Variants in ZNF573 observed in about 807,000 individuals in gnomAD.
The protein encoded by ZNF573 is zinc finger protein 573.
ZNF573 carries 41 observed loss-of-function variants against 57.4 expected under a neutral mutation model. That is an observed-to-expected ratio of 0.71 (90% CI 0.56 to 0.93). The LOEUF (loss-of-function observed/expected upper bound fraction) is 0.93. Ranked by LOEUF, ZNF573 falls within the 40% of genes least tolerant of loss-of-function variation. ZNF573 has a pLI of 0.00. For synonymous variants in ZNF573, 249 were observed against 261.0 expected, an observed-to-expected ratio of 0.95 and a Z score of 0.44; for missense variants, 730 against 794.8, an observed-to-expected ratio of 0.92 and a Z score of 0.98.
At chr19:37,757,345 C>T (rs1384447828) in intron 4 of ZNF573, among the ~76,000 whole-genome samples, 2 of 152,006 alleles carry the variant, frequency 1.3e-5, no homozygotes, top group African/African-American at 2.4e-5. Flanking sequence ...TACAGGCGCC[C>T]GCCACCGCGC....
rs185443217 is a variant in ZNF573 at position 37,744,882 on chromosome 19, T to C, written c.296-4688A>G. On this transcript the variant is annotated intron_variant, in intron 4 of 4. Coordinates refer to ENST00000536220, the MANE Select transcript of ZNF573 (RefSeq NM_001172690.2). Reference sequence around the variant, plus strand: ...CTCCAAGCTCTGCCTCCCAGGTTCATGCCATTCTCCTGCCTCAGCCTCCCG... The same window carrying C: ...CTCCAAGCTCTGCCTCCCAGGTTCACGCCATTCTCCTGCCTCAGCCTCCCG... 3.1e-4 allele frequency among the ~76,000 whole-genome samples: 46 copies of C among 150,602 alleles called. No individual in the cohort carries two copies. The East Asian group carries it at 7.7e-3, about 25-fold the overall frequency.
chr19:37,764,310 T>G (rs2045580421), intron 4 of ZNF573, among the ~76,000 whole-genome samples: 1 of 150,346 alleles, frequency 6.7e-6, no homozygotes, highest in Non-Finnish European at 1.5e-5. Context: ...AGTTTTTTTT[T>G]GTTTTTTTTT....
At chr19:37,755,672 A>C (rs2045480812) in intron 4 of ZNF573, among the ~76,000 whole-genome samples, 1 of 152,180 alleles carries the variant, frequency 6.6e-6, no homozygotes, top group South Asian at 2.1e-4. Flanking sequence ...TAAATACTGA[A>C]GAGATCAAAA....
chr19:37,763,354 G>A (rs150152008), intron 4 of ZNF573, among the ~76,000 whole-genome samples: 160 of 151,868 alleles, frequency 1.1e-3, no homozygotes, highest in African/African-American at 3.5e-3. Context: ...AGGCCGTGGT[G>A]GGCAGATCAC....
At chr19:37,752,507 G>C (rs2045447995) in intron 4 of ZNF573, among the ~76,000 whole-genome samples, 1 of 152,156 alleles carries the variant, frequency 6.6e-6, no homozygotes, top group African/African-American at 2.4e-5. Flanking sequence ...ATTCGCAAAA[G>C]GCCACATGTT....
intron 2 of ZNF573, chr19:37,773,017 T>G (rs1398449066): frequency 1.0e-6 from 1 of 967,904 alleles, no homozygotes; most frequent in Non-Finnish European, 1.2e-6. Flanking sequence ...TAGGATAATA[T>G]TCTCATTCAT....
At chr19:37,773,004 C>A (rs1345689174) in intron 2 of ZNF573, 1 of 977,574 alleles carries the variant, frequency 1.0e-6, no homozygotes, top group African/African-American at 1.8e-5. Context: ...CATATTTACT[C>A]CTTAGGATAA....
intron 4 of ZNF573, among the ~76,000 whole-genome samples, chr19:37,757,098 C>A (rs2045495166): frequency 6.6e-6 from 1 of 151,808 alleles, no homozygotes; most frequent in Admixed American, 6.6e-5. Flanking sequence ...AAAGTGAAAC[C>A]AACACAATCC....
intron 4 of ZNF573, 166 bp from the exon 5 acceptor site, chr19:37,740,360 G>A: frequency 3.2e-6 from 2 of 631,582 alleles, no homozygotes; most frequent in South Asian, 4.2e-5. Context: ...AGAGACGTAT[G>A]AGAGTTTACG....
intron 4 of ZNF573, among the ~76,000 whole-genome samples, chr19:37,748,741 A>G (rs2045405238): frequency 6.6e-6 from 1 of 152,124 alleles, no homozygotes; most frequent in African/African-American, 2.4e-5. Flanking sequence ...AGCCTGGCCA[A>G]TATGGTGAAA....
At chr19:37,764,311 G>GTTTT (rs545189639) in intron 4 of ZNF573, among the ~76,000 whole-genome samples, 1 of 136,338 alleles carries the variant, frequency 7.3e-6, no homozygotes, top group Non-Finnish European at 1.6e-5. Context: ...GTTTTTTTTT[G>GTTTT]TTTTTTTTTT....
At chr19:37,754,713 C>A (rs2045470989) in intron 4 of ZNF573, among the ~76,000 whole-genome samples, 1 of 148,332 alleles carries the variant, frequency 6.7e-6, no homozygotes, top group African/African-American at 2.5e-5. Context: ...GTACAGAAGG[C>A]AAAGTTTAAA....
intron 1 of ZNF573, among the ~76,000 whole-genome samples, chr19:37,774,240 C>A (rs188813853): frequency 1.4e-5 from 2 of 148,110 alleles, no homozygotes; most frequent in African/African-American, 5.0e-5. Context: ...CAGGTTCAAG[C>A]GATTCTCCTG....
intron 4 of ZNF573, 51 bp from the exon 5 acceptor site, chr19:37,740,245 C>G: frequency 6.8e-7 from 1 of 1,465,252 alleles, no homozygotes; most frequent in Admixed American, 2.4e-5. Context: ...TACCAGAGAA[C>G]AAGAAACTTT....
intron 4 of ZNF573, among the ~76,000 whole-genome samples, chr19:37,756,990 T>A (rs1191649771): frequency 6.6e-6 from 1 of 151,592 alleles, no homozygotes; most frequent in African/African-American, 2.4e-5. Flanking sequence ...AATGATAACC[T>A]CAAACAGCAC....
Position 37,739,707 on chromosome 19 carries a change from A to T in ZNF573, c.783T>A (p.Leu261=). 3 of 1,613,782 alleles carry T rather than the reference A, an allele frequency of 1.9e-6. No individual in the cohort carries two copies. Among genetic ancestry groups the T allele is most frequent in the Non-Finnish European group, 2.5e-6 (3 of 1,179,878 alleles). Residue 261 remains leucine (L), a synonymous_variant, in exon 5 of 5, where the codon CTT becomes CTA. Coordinates refer to ENST00000536220, the MANE Select transcript of ZNF573 (RefSeq NM_001172690.2). ...CGRAFSQGGH[L]RIHQRVHTGE... is the part of the protein sequence containing the mutation. ...CAGTATGAACTCTCTGATGAATTCT[A>T]AGATGTCCACCTTGACTAAAGGCCC...
At chr19:37,757,669 T>C (rs1282236185) in intron 4 of ZNF573, among the ~76,000 whole-genome samples, 1 of 152,176 alleles carries the variant, frequency 6.6e-6, no homozygotes, top group Non-Finnish European at 1.5e-5. Flanking sequence ...AAATACCATT[T>C]GACCCAGCCA....
chr19:37,775,243 C>T (rs1460497663), intron 1 of ZNF573, among the ~76,000 whole-genome samples: 1 of 152,084 alleles, frequency 6.6e-6, no homozygotes, highest in Non-Finnish European at 1.5e-5. Flanking sequence ...GTCTCAAACT[C>T]CTGGGCTCAA....
chr19:37,764,080 AAAT>A (rs1193055172), intron 4 of ZNF573, among the ~76,000 whole-genome samples: 1 of 151,638 alleles, frequency 6.6e-6, no homozygotes, highest in Non-Finnish European at 1.5e-5. Flanking sequence ...AAAAAAAAAA[AAAT>A]AGAATAAAGG....
Sources: gnomAD v4.1 joint callset for allele counts (sites outside exome capture counted in the v4.1 genomes callset) on GRCh38, gnomAD v4.1.1 for gene constraint, MANE v1.5 for transcripts, NCBI Gene and HGNC (gene_info 2026-07-23, HGNC 2026-07-21) for gene names.